The following RNF180 variants were observed in gnomAD, a reference collection of about 807,000 sequenced individuals.
RNF180 encodes the protein ring finger protein 180, also known as E3 ubiquitin-protein ligase RNF180.
In RNF180, 38 loss-of-function variants were observed where a neutral mutation model predicts 59.2. The observed-to-expected ratio is 0.64, with a 90% CI of 0.50 to 0.84. The LOEUF (loss-of-function observed/expected upper bound fraction) is 0.84, where lower values mean the gene tolerates loss of function less well. Among genes scored for constraint, RNF180 ranks in the 40% least tolerant of loss-of-function variants. The pLI is 0.00. For synonymous variants in RNF180, 262 were observed against 240.3 expected (o/e 1.09, Z -0.84); for missense variants, 705 against 700.9 (o/e 1.01, Z -0.07).
At chr5:64,222,125 T>C (rs951749621) in intron 5 of RNF180, among the ~76,000 whole-genome samples, 6 of 152,156 alleles carry the variant, frequency 3.9e-5, no homozygotes, top group African/African-American at 1.4e-4. Context: ...TGAGGAGTAC[T>C]GGTTAGTTAT....
At chr5:64,320,697 C>A (rs1463117090) in intron 5 of RNF180, among the ~76,000 whole-genome samples, 2 of 152,084 alleles carry the variant, frequency 1.3e-5, no homozygotes, top group African/African-American at 2.4e-5. Flanking sequence ...GAAGAAACAA[C>A]CTGACACAAG....
chr5:64,173,809 G>A (rs914267293), intron 1 of RNF180, among the ~76,000 whole-genome samples: 7 of 150,910 alleles, frequency 4.6e-5, no homozygotes, highest in South Asian at 2.1e-4. Context: ...TCTGCCTCCC[G>A]GGTTCAAGTG....
chr5:64,207,172 ATAT>A (rs1177093400), intron 2 of RNF180, among the ~76,000 whole-genome samples: 3 of 152,004 alleles, frequency 2.0e-5, no homozygotes, highest in Non-Finnish European at 2.9e-5. Context: ...AATATTTATA[ATAT>A]TGACCAGTTA....
chr5:64,237,200 A>G (rs909925933), intron 5 of RNF180, among the ~76,000 whole-genome samples: 3 of 152,194 alleles, frequency 2.0e-5, no homozygotes, highest in African/African-American at 4.8e-5. Flanking sequence ...GGCTGTACCC[A>G]TTAGATCCAC....
chr5:64,181,610 T>C (rs1454772776), intron 1 of RNF180, among the ~76,000 whole-genome samples: 1 of 152,176 alleles, frequency 6.6e-6, no homozygotes, highest in Admixed American at 6.5e-5. Context: ...CAGCAACCTT[T>C]GCCTAGATAG....
intron 7 of RNF180, among the ~76,000 whole-genome samples, chr5:64,337,418 A>G (rs1378565143): frequency 1.3e-5 from 2 of 152,054 alleles, no homozygotes; most frequent in Non-Finnish European, 2.9e-5. Flanking sequence ...TTTTCATATA[A>G]TAGCCTACTT....
chr5:64,223,277 T>C (rs1561200251), intron 5 of RNF180, among the ~76,000 whole-genome samples: 1 of 152,208 alleles, frequency 6.6e-6, no homozygotes, highest in Non-Finnish European at 1.5e-5. Context: ...TTAAGGACCC[T>C]TGTGATTACA....
At chr5:64,369,512 A>C (rs1746582508) in intron 7 of RNF180, 103 bp from the exon 8 acceptor site, 2 of 625,322 alleles carry the variant, frequency 3.2e-6, no homozygotes, top group Non-Finnish European at 5.1e-6. Flanking sequence ...AACTCCGCTC[A>C]GTGAAATCAG....
intron 5 of RNF180, among the ~76,000 whole-genome samples, chr5:64,314,573 C>T (rs144590811): frequency 3.3e-5 from 5 of 151,704 alleles, no homozygotes; most frequent in Non-Finnish European, 7.4e-5. Flanking sequence ...TTTTGAGAGC[C>T]CAGCGAACTT....
chr5:64,276,374 G>GT (rs1554038850), intron 5 of RNF180, among the ~76,000 whole-genome samples: 5 of 145,452 alleles, frequency 3.4e-5, no homozygotes, highest in East Asian at 2.0e-4. Context: ...AAACCACATT[G>GT]GTGTGTGTGT....
intron 5 of RNF180, among the ~76,000 whole-genome samples, chr5:64,318,109 G>A (rs1292149786): frequency 6.6e-6 from 1 of 152,122 alleles, no homozygotes; most frequent in Non-Finnish European, 1.5e-5. Context: ...CACCATCTGT[G>A]TTATGTGTAC....
intron 2 of RNF180, among the ~76,000 whole-genome samples, chr5:64,209,523 T>C (rs1752196687): frequency 6.8e-6 from 1 of 147,482 alleles, no homozygotes; most frequent in African/African-American, 2.4e-5. Flanking sequence ...ATGCTTTGTG[T>C]GGTCAACACT....
intron 5 of RNF180, among the ~76,000 whole-genome samples, chr5:64,243,308 C>T (rs769065319): frequency 5.1e-4 from 77 of 152,298 alleles, no homozygotes; most frequent in Non-Finnish European, 9.1e-4. Context: ...GGATCCCACC[C>T]CCATGGAGCC....
intron 1 of RNF180, among the ~76,000 whole-genome samples, chr5:64,181,684 T>G (rs1326968171): frequency 6.6e-6 from 1 of 152,160 alleles, no homozygotes; most frequent in Non-Finnish European, 1.5e-5. Context: ...GACACCAAAG[T>G]CTGGGCAGAT....
At chr5:64,236,295 A>G (rs766928673) in intron 5 of RNF180, among the ~76,000 whole-genome samples, 3 of 152,210 alleles carry the variant, frequency 2.0e-5, no homozygotes, top group Admixed American at 1.3e-4. Context: ...GACTGGCAGC[A>G]TTTTGCCCCT....
intron 7 of RNF180, among the ~76,000 whole-genome samples, chr5:64,364,745 A>G (rs999078446): frequency 1.3e-5 from 2 of 151,480 alleles, no homozygotes; most frequent in African/African-American, 4.8e-5. Context: ...TCAATTTCAG[A>G]GGTCATTATT....
At chr5:64,264,904 T>C (rs1744567774) in intron 5 of RNF180, among the ~76,000 whole-genome samples, 1 of 152,236 alleles carries the variant, frequency 6.6e-6, no homozygotes, top group Admixed American at 6.5e-5. Flanking sequence ...TTCCTGACTT[T>C]TTAATGATCA....
chr5:64,183,588 C>T (rs900801034), intron 1 of RNF180, among the ~76,000 whole-genome samples: 6 of 151,564 alleles, frequency 4.0e-5, no homozygotes, highest in African/African-American at 1.2e-4. Flanking sequence ...GCTGGGATTA[C>T]AGGCGTGTGC....
chr5:64,298,551 A>G (rs1368686559), intron 5 of RNF180, among the ~76,000 whole-genome samples: 2 of 152,050 alleles, frequency 1.3e-5, no homozygotes, highest in African/African-American at 2.4e-5. Flanking sequence ...ATAGAATATA[A>G]TGCCTTATTC....
Sources: gnomAD v4.1 joint callset for allele counts (sites outside exome capture counted in the v4.1 genomes callset) on GRCh38, gnomAD v4.1.1 for gene constraint, MANE v1.5 for transcripts, NCBI Gene and HGNC (gene_info 2026-07-23, HGNC 2026-07-21) for gene names.